The following PFKM variants were observed in gnomAD, a reference collection of about 807,000 sequenced individuals.
The protein encoded by PFKM is ATP-dependent 6-phosphofructokinase, muscle type.
In PFKM, 58 loss-of-function variants were observed where a neutral mutation model predicts 95.5. The observed-to-expected ratio is 0.61, with a 90% CI of 0.49 to 0.76. The LOEUF is 0.76. Among genes scored for constraint, PFKM ranks in the 30% least tolerant of loss-of-function variants. The probability of loss-of-function intolerance (pLI) is 0.00; values close to 1 mark genes in which losing one functional copy is unlikely to be tolerated. For missense variants in PFKM, 678 were observed against 1,005.4 expected, an observed-to-expected ratio of 0.67 and a Z score of 4.40; for synonymous variants, 336 against 357.2, an observed-to-expected ratio of 0.94 and a Z score of 0.67.
chr12:48,114,498 G>A (rs1444061250), upstream of PFKM, among the ~76,000 whole-genome samples: 3 of 152,168 alleles, frequency 2.0e-5, no homozygotes, highest in South Asian at 2.1e-4. Flanking sequence ...GGGTTGGGGA[G>A]CAAAGGCTGA....
chr12:48,115,915 G>A (rs903935076), upstream of PFKM, among the ~76,000 whole-genome samples: 17 of 152,044 alleles, frequency 1.1e-4, no homozygotes, highest in African/African-American at 4.1e-4. Flanking sequence ...TACAGATTTT[G>A]TGTGTACATA....
upstream of PFKM, among the ~76,000 whole-genome samples, chr12:48,114,791 G>A (rs1366974481): frequency 5.3e-5 from 8 of 152,264 alleles, no homozygotes; most frequent in South Asian, 1.0e-3. Flanking sequence ...TCTAGGTCTC[G>A]TAGGATGGAG....
Position 48,134,257 on chromosome 12 carries a change from G to A in PFKM, c.619G>A (p.Val207Ile), listed in dbSNP as rs574087792. Residue 207 changes from valine to isoleucine, a missense_variant, in exon 7 of 23, where the codon GTA becomes ATA. By Grantham distance (29) the Val-to-Ile change is conservative. Transcript: ENST00000359794. ...QSHQRTFVLE[V>I]MGRHCGYLAL... The stretch of plus-strand genomic sequence containing the variant: ...CCACCAGAGGACATTTGTGTTAGAA[G>A]TAATGGGCCGCCACTGTGGGTAAGA... 6.2e-7 allele frequency: 1 copy of A among 1,613,924 alleles called. No homozygotes were observed. Among genetic ancestry groups the A allele is most frequent in the East Asian group, 2.2e-5 (1 of 44,870 alleles).
rs560773922 is a variant in PFKM, at chr12:48,140,701, T to C, written c.1192-21T>C. 2.1e-4 allele frequency: 346 copies of C among 1,614,092 alleles called. 2 individuals are homozygous for C. The South Asian group carries it at 3.6e-3, about 17-fold the overall frequency. On this transcript the variant is annotated intron_variant, in intron 13 of 22. Coordinates refer to ENST00000359794, the MANE Select transcript of PFKM (RefSeq NM_000289.6). ...CCTGCTGGGTTTCTGTCCTCATTTTTCCCTGCTTCCTCCTGTATAGAGTGG... is the reference window on the plus strand; with the variant it reads ...CCTGCTGGGTTTCTGTCCTCATTTTCCCCTGCTTCCTCCTGTATAGAGTGG...
Position 48,130,328 on chromosome 12 carries a change from A to G in PFKM, c.86-35A>G, listed in dbSNP as rs767085879. 2.6e-6 allele frequency: 4 copies of G among 1,543,892 alleles called. No homozygotes were observed. In the East Asian group the frequency reaches 9.0e-5, roughly 35 times the overall value. ...TTCCAGGGCGCCTTTTCTTAGGAGCAACCTCTCCGTGACTTCTTTTGTCCC... is the reference window on the plus strand; with the variant it reads ...TTCCAGGGCGCCTTTTCTTAGGAGCGACCTCTCCGTGACTTCTTTTGTCCC... On this transcript the variant is annotated intron_variant, in intron 2 of 22. Transcript: ENST00000359794.
intron 3 of PFKM, among the ~76,000 whole-genome samples, chr12:48,112,009 G>A (rs979648292): frequency 3.3e-5 from 5 of 152,312 alleles, no homozygotes; most frequent in Middle Eastern, 3.4e-3. Context: ...CCGCTGCACA[G>A]AGGCATGATG....
intron 3 of PFKM, among the ~76,000 whole-genome samples, chr12:48,109,361 TTTC>T (rs1281545473): frequency 6.6e-6 from 1 of 151,874 alleles, no homozygotes; most frequent in Non-Finnish European, 1.5e-5. Context: ...TTCCTTTCTT[TTTC>T]TTTTCTTTCC....
At chr12:48,133,282 C>G in intron 5 of PFKM, 33 bp from the exon 6 acceptor site, 4 of 1,595,120 alleles carry the variant, frequency 2.5e-6, no homozygotes, top group Non-Finnish European at 3.4e-6. Context: ...AGGTGCCTCA[C>G]CCAGTGGCTC....
At chr12:48,134,171 G>A in intron 6 of PFKM, 61 bp from the exon 7 acceptor site, 3 of 1,389,654 alleles carry the variant, frequency 2.2e-6, no homozygotes, top group East Asian at 2.3e-5. Flanking sequence ...CTAGATGTGG[G>A]TGGTGGCTTG....
Position 48,140,331 on chromosome 12 carries a change from C to T in PFKM, c.1192-391C>T, listed in dbSNP as rs141115915. On this transcript the variant is annotated intron_variant, in intron 13 of 22. Transcript: ENST00000359794. Reference sequence around the variant, plus strand: ...CTTATTAAACATGCAAACTCCTGGGCCCCTCTCTCAGAGGAGATTCATATC... The same window carrying T: ...CTTATTAAACATGCAAACTCCTGGGTCCCTCTCTCAGAGGAGATTCATATC... Among the ~76,000 whole-genome samples the T allele has an allele frequency of 2.4e-3, 358 of 152,286 alleles. 5 individuals carry two copies. The highest frequency in any genetic ancestry group is 0.015 in the Admixed American group (223 of 15,298).
chr12:48,110,381 G>A (rs745543545), intron 3 of PFKM, among the ~76,000 whole-genome samples: 17 of 152,212 alleles, frequency 1.1e-4, no homozygotes, highest in Non-Finnish European at 1.9e-4. Context: ...ATCATATTGC[G>A]TTTTAAAACA....
Position 48,134,950 on chromosome 12 carries a change from C to T in PFKM, c.755C>T (p.Thr252Ile), listed in dbSNP as rs1949926989. ...HLCRRLSETR[T>I]RGSRLNIIIV... ...CCCTTTGTTCTCAACCAGACAAGGA[C>T]CCGTGGTTCTCGTCTCAACATCATC... is the stretch of plus-strand genomic sequence containing the variant. Residue 252 changes from threonine to isoleucine, a missense_variant, in exon 9 of 23, where the codon ACC becomes ATC. Thr to Ile is a moderately conservative substitution (Grantham distance 89, BLOSUM62 -1). Coordinates refer to ENST00000359794, the MANE Select transcript of PFKM (RefSeq NM_000289.6). 1 of 1,613,748 alleles carries T rather than the reference C, an allele frequency of 6.2e-7. No individual in the cohort carries two copies. The highest frequency in any genetic ancestry group is 1.7e-5 in the Admixed American group (1 of 59,998).
At chr12:48,113,305 G>C (rs1416410331) in intron 3 of PFKM, among the ~76,000 whole-genome samples, 2 of 152,178 alleles carry the variant, frequency 1.3e-5, no homozygotes, top group African/African-American at 4.8e-5. Flanking sequence ...TGATTAAGAA[G>C]GGGACGGACT....
In PFKM at chr12:48,139,283, A is replaced by C; in HGVS notation, c.1063-2A>C. On this transcript the variant is annotated splice_acceptor_variant, in intron 11 of 22. Transcript: ENST00000359794. LOFTEE classifies it high-confidence loss of function. ...GAAACTGTCGCTGTGCTCCCCCCTC[A>C]GACCAAAGATGTGACCAAGGCCATG... 1 of 1,613,120 alleles carries C rather than the reference A, an allele frequency of 6.2e-7. No homozygotes were observed. The highest frequency in any genetic ancestry group is 8.5e-7 in the Non-Finnish European group (1 of 1,179,300).
At chr12:48,135,162 T>C in intron 9 of PFKM, 124 bp downstream of exon 9, 11 of 1,103,612 alleles carry the variant, frequency 1.0e-5, no homozygotes, top group Non-Finnish European at 1.5e-5. Context: ...TCCCTGCCCC[T>C]GATTGCCTCC....
upstream of PFKM, chr12:48,105,887 G>A (rs540019447): frequency 3.6e-5 from 22 of 618,078 alleles, no homozygotes; most frequent in Non-Finnish European, 6.1e-5. Context: ...CAGGGGGCGG[G>A]GCAGAGGAAA....
At chr12:48,141,534 A>C (rs1232954782) in intron 15 of PFKM, 153 bp downstream of exon 15, 1 of 773,074 alleles carries the variant, frequency 1.3e-6, no homozygotes, top group Non-Finnish European at 2.3e-6. Flanking sequence ...AGACATGCCC[A>C]TCTCAACATC....
chr12:48,106,075 A>G, exon 1 of PFKM: 1 of 702,600 alleles, frequency 1.4e-6, no homozygotes, highest in Non-Finnish European at 2.6e-6. Context: ...CCGGGCGCGG[A>G]ACGCAAAACC....
At chr12:48,132,692 A>T in intron 4 of PFKM, 176 bp from the exon 5 acceptor site, 2 of 656,614 alleles carry the variant, frequency 3.0e-6, no homozygotes, top group Non-Finnish European at 5.5e-6. Flanking sequence ...TGACCCTATG[A>T]TGCCTCAGCC....
Sources: gnomAD v4.1 joint callset for allele counts (sites outside exome capture counted in the v4.1 genomes callset) on GRCh38, gnomAD v4.1.1 for gene constraint, MANE v1.5 for transcripts, NCBI Gene and HGNC (gene_info 2026-07-23, HGNC 2026-07-21) for gene names.